Variants in MAPK8IP3 observed in about 807,000 individuals in gnomAD.
The protein encoded by MAPK8IP3 is C-Jun-amino-terminal kinase-interacting protein 3.
MAPK8IP3 carries 49 observed loss-of-function variants against 157.8 expected under a neutral mutation model. The ratio of observed to expected loss-of-function variants is 0.31; its 90% CI spans 0.25 to 0.39. The LOEUF is 0.39. Ranked by LOEUF, MAPK8IP3 falls within the 10% of genes least tolerant of loss-of-function variation. MAPK8IP3 has a pLI of 1.00. For synonymous variants in MAPK8IP3, 897 were observed against 777.7 expected (o/e 1.15, Z -2.55); for missense variants, 1,478 against 1,889.4 (o/e 0.78, Z 4.04).
At chr16:1,757,046 G>A (rs1442568953) in intron 8 of MAPK8IP3, among the ~76,000 whole-genome samples, 1 of 152,180 alleles carries the variant, frequency 6.6e-6, no homozygotes. Flanking sequence ...TCTCGAATTG[G>A]GAATTGCTTT....
chr16:1,739,299 ACCGT>A (rs1348003339), intron 4 of MAPK8IP3, among the ~76,000 whole-genome samples: 3 of 97,138 alleles, frequency 3.1e-5, no homozygotes, highest in Non-Finnish European at 5.8e-5. Context: ...TGAGCCTGTG[ACCGT>A]CCGTGTGAGT....
At chr16:1,722,404 T>C (rs1305019526) in intron 1 of MAPK8IP3, among the ~76,000 whole-genome samples, 1 of 152,176 alleles carries the variant, frequency 6.6e-6, no homozygotes, top group Admixed American at 6.5e-5. Context: ...TAGAAGCTGC[T>C]GCTATAGGAA....
intron 2 of MAPK8IP3, among the ~76,000 whole-genome samples, chr16:1,726,215 A>G (rs1376356079): frequency 6.6e-6 from 1 of 152,220 alleles, no homozygotes; most frequent in Non-Finnish European, 1.5e-5. Context: ...ACACATGGAA[A>G]CACACTGGCA....
chr16:1,729,703 A>T, intron 4 of MAPK8IP3, 125 bp downstream of exon 4: 1 of 909,500 alleles, frequency 1.1e-6, no homozygotes, highest in Non-Finnish European at 1.7e-6. Context: ...ACGACAGGGA[A>T]CACTCTGGAG....
chr16:1,768,666 G>A (rs753599366), intron 31 of MAPK8IP3, 37 bp from the exon 32 acceptor site: 15 of 1,610,912 alleles, frequency 9.3e-6, no homozygotes, highest in Non-Finnish European at 1.3e-5. Flanking sequence ...TTGGGCGCGG[G>A]GGGAGCCTGG....
intron 4 of MAPK8IP3, among the ~76,000 whole-genome samples, chr16:1,734,824 G>A (rs772784395): frequency 7.2e-5 from 11 of 152,276 alleles, no homozygotes; most frequent in South Asian, 4.1e-4. Context: ...AGCGCTGGGC[G>A]CCCTCCTTCC....
At position 1,706,813 on chromosome 16, in the gene MAPK8IP3, ACCC is replaced by A. The variant is rs2037421254; in HGVS notation, c.318+158_318+160del. On this transcript the variant is annotated intron_variant, in intron 1 of 31. Coordinates refer to ENST00000610761, the MANE Select transcript of MAPK8IP3 (RefSeq NM_001318852.2). This position sits in a 1 kb window ranked among gnomAD's most constrained non-coding sequence, Gnocchi z 5.1. ...AGACCCCGCCCCGAGACCCGCCTGG[ACCC>A]CATATCCCCCGCCCCGGGACTTCCC... Among the ~76,000 whole-genome samples the A allele has an allele frequency of 3.3e-5, 2 of 61,008 alleles. No individual in the cohort carries two copies. The highest frequency in any genetic ancestry group is 7.7e-4 in the South Asian group (1 of 1,296). The allele number at this position is 61,008 out of a possible 152,430, so 40.0% of individuals were successfully genotyped here.
chr16:1,767,343 GCCAGCAGCTCTCCCGCAT>G (rs1156710195), intron 26 of MAPK8IP3, 46 bp downstream of exon 26: 4 of 1,608,442 alleles, frequency 2.5e-6, no homozygotes, highest in Non-Finnish European at 3.4e-6. Flanking sequence ...GCTCCTGCTG[GCCAGCAGCTCTCCCGCAT>G]CTTCCATACG....
chr16:1,717,606 A>G (rs1355051762), intron 1 of MAPK8IP3, among the ~76,000 whole-genome samples: 1 of 152,262 alleles, frequency 6.6e-6, no homozygotes, highest in African/African-American at 2.4e-5. Context: ...GATCACGAGC[A>G]CGTGTACAGA....
chr16:1,770,323 C>T lies in MAPK8IP3; in HGVS notation c.*1499C>T, dbSNP rs2042546252. 4 of 308,166 alleles carry T rather than the reference C, an allele frequency of 1.3e-5. No individual in the cohort carries two copies. Among genetic ancestry groups the T allele is most frequent in the African/African-American group, 4.3e-5 (2 of 46,502 alleles). The allele number at this position is 308,166 out of a possible 1,614,324, so 19.1% of individuals were successfully genotyped here. On this transcript the variant is annotated 3_prime_UTR_variant, in exon 32 of 32. Transcript: ENST00000610761. The stretch of plus-strand genomic sequence containing the variant: ...ATAAATGTCTTAACGTCGTAGCTGC[C>T]TGTTCCTGGGCCCAAATCGAAACGA...
intron 2 of MAPK8IP3, among the ~76,000 whole-genome samples, chr16:1,725,296 A>T (rs1430169167): frequency 6.6e-6 from 1 of 150,958 alleles, no homozygotes; most frequent in Non-Finnish European, 1.5e-5. Flanking sequence ...GCTGAGGTTG[A>T]TACTGCCGTG....
At chr16:1,727,472 G>A (rs1044080047) in intron 2 of MAPK8IP3, among the ~76,000 whole-genome samples, 29 of 152,182 alleles carry the variant, frequency 1.9e-4, no homozygotes, top group Non-Finnish European at 4.4e-5. Context: ...TGCGGTGTCT[G>A]TACATCGTGT....
intron 1 of MAPK8IP3, among the ~76,000 whole-genome samples, chr16:1,715,630 T>A (rs184764122): frequency 4.8e-4 from 73 of 152,278 alleles, no homozygotes; most frequent in African/African-American, 1.6e-3. Context: ...AAGAACGAGA[T>A]CTTTGATTCG....
At chr16:1,761,339 GTCC>G (rs1567200414) in intron 13 of MAPK8IP3, 34 bp downstream of exon 13, 10 of 1,586,192 alleles carry the variant, frequency 6.3e-6, no homozygotes, top group Non-Finnish European at 8.6e-6. Context: ...CATGCGGGGC[GTCC>G]ACCATTCACT....
At position 1,768,866 on chromosome 16, in the gene MAPK8IP3, G is replaced by T. The variant is rs757438567; in HGVS notation, c.*42G>T. The T allele has an allele frequency of 1.9e-6, 3 of 1,599,682 alleles. No homozygotes were observed. Among genetic ancestry groups the T allele is most frequent in the Non-Finnish European group, 2.6e-6 (3 of 1,173,928 alleles). On this transcript the variant is annotated 3_prime_UTR_variant, in exon 32 of 32. Coordinates refer to ENST00000610761, the MANE Select transcript of MAPK8IP3 (RefSeq NM_001318852.2). ...GGCCCGACCTGTACATAGGACCCCCGACCACCTGACCCCCGCCCGGCCCGC... is the reference window on the plus strand; with the variant it reads ...GGCCCGACCTGTACATAGGACCCCCTACCACCTGACCCCCGCCCGGCCCGC...
At position 1,734,622 on chromosome 16, in the gene MAPK8IP3, C is replaced by T. The variant is rs74878070; in HGVS notation, c.602+5044C>T. ...GTGGGGTCAGGGGTGCTGGGACAGG[C>T]CTTGGTGATGTATGCTGTTGCTGGG... is the stretch of plus-strand genomic sequence containing the variant. On this transcript the variant is annotated intron_variant, in intron 4 of 31. Coordinates refer to ENST00000610761, the MANE Select transcript of MAPK8IP3 (RefSeq NM_001318852.2). Among the ~76,000 whole-genome samples the T allele has an allele frequency of 1.8e-4, 28 of 152,356 alleles. No individual in the cohort carries two copies. In the East Asian group the frequency reaches 2.1e-3, roughly 12 times the overall value.
chr16:1,753,007 A>G (rs914035357), intron 8 of MAPK8IP3, among the ~76,000 whole-genome samples: 6 of 152,204 alleles, frequency 3.9e-5, no homozygotes, highest in Non-Finnish European at 8.8e-5. Flanking sequence ...TGTGGCTGCC[A>G]AGCAGGGGAG....
At chr16:1,733,228 G>A (rs2039430687) in intron 4 of MAPK8IP3, among the ~76,000 whole-genome samples, 1 of 152,110 alleles carries the variant, frequency 6.6e-6, no homozygotes, top group Admixed American at 6.6e-5. Context: ...AGGCTGTGTC[G>A]GAGGGCGCCT....
chr16:1,744,141 G>A (rs184340916), intron 5 of MAPK8IP3: 34 of 985,686 alleles, frequency 3.4e-5, no homozygotes, highest in Admixed American at 1.2e-4. Context: ...AGGGCCCCAG[G>A]TCGCTTGCTG....
Sources: gnomAD v4.1 joint callset for allele counts (sites outside exome capture counted in the v4.1 genomes callset) on GRCh38, gnomAD v4.1.1 for gene constraint, Gnocchi (gnomAD v3.1) non-coding constraint, MANE v1.5 for transcripts, NCBI Gene and HGNC (gene_info 2026-07-23, HGNC 2026-07-21) for gene names.